The following SLC29A1 variants were observed in gnomAD, a reference collection of about 807,000 sequenced individuals.
SLC29A1 encodes equilibrative nucleoside transporter 1.
In SLC29A1, 22 loss-of-function variants were observed where a neutral mutation model predicts 48.3. The ratio of observed to expected loss-of-function variants is 0.46; its 90% CI spans 0.33 to 0.65. SLC29A1 has a LOEUF of 0.65. Among genes scored for constraint, SLC29A1 ranks in the 30% least tolerant of loss-of-function variants. The pLI is 0.03. For synonymous variants in SLC29A1, 228 were observed against 231.0 expected (o/e 0.99, Z 0.12); for missense variants, 491 against 575.3 (o/e 0.85, Z 1.50).
In SLC29A1 at chr6:44,223,991, C is replaced by G; in HGVS notation, c.-52+350C>G. The G allele has an allele frequency of 2.1e-6, 2 of 969,776 alleles. No homozygotes were observed. Among genetic ancestry groups the G allele is most frequent in the Non-Finnish European group, 2.4e-6 (2 of 816,370 alleles). 60.1% of individuals were successfully genotyped at this position (969,776 alleles called of 1,614,324 possible). On this transcript the variant is annotated intron_variant, in intron 1 of 12. Coordinates refer to ENST00000371755, the MANE Select transcript of SLC29A1 (RefSeq NM_001372327.1). This position sits in a 1 kb window ranked among gnomAD's most constrained non-coding sequence, Gnocchi z 5.0. ...GGGAGGGGCCGTGCCGCTGACTGCG[C>G]TGGCGGAGGGGTATGGGGATGGGGA...
At position 44,233,270 on chromosome 6, in the gene SLC29A1, A is replaced by C. The variant is rs536359096; in HGVS notation, c.1260-147A>C. On this transcript the variant is annotated intron_variant, in intron 12 of 12. Coordinates refer to ENST00000371755, the MANE Select transcript of SLC29A1 (RefSeq NM_001372327.1). ...CACGTTCCCTCAAGGAGGAGAAGCCAGGTTGGGGTTAGGCAGCCAGGATGG... is the reference window on the plus strand; with the variant it reads ...CACGTTCCCTCAAGGAGGAGAAGCCCGGTTGGGGTTAGGCAGCCAGGATGG... The C allele has an allele frequency of 5.2e-6, 4 of 775,488 alleles. No homozygotes were observed. In the Admixed American group the frequency reaches 8.6e-5, roughly 17 times the overall value. 48.0% of individuals were successfully genotyped at this position (775,488 alleles called of 1,614,324 possible).
chr6:44,226,131 C>G, intron 1 of SLC29A1: 1 of 985,276 alleles, frequency 1.0e-6, no homozygotes, highest in Non-Finnish European at 1.2e-6. Context: ...CAGGCTTGCT[C>G]TGCTCTGACC....
At position 44,230,006 on chromosome 6, in the gene SLC29A1, C is replaced by G. The variant is rs1778459829; in HGVS notation, c.414C>G (p.Pro138=). 1 of 1,611,332 alleles carries G rather than the reference C, an allele frequency of 6.2e-7. No individual in the cohort carries two copies. The highest frequency in any genetic ancestry group is 8.5e-7 in the Non-Finnish European group (1 of 1,180,028). The stretch of plus-strand genomic sequence containing the variant: ...TGAAGGTGCAGCTGGATGCTCTGCC[C>G]TTCTTTGTCATCACCATGATCAAGA... ...ILVKVQLDAL[P]FFVITMIKIV... is the part of the protein sequence containing the mutation. The change falls in exon 5 of 13, where the codon CCC becomes CCG. Residue 138 remains proline (P), a synonymous_variant. Coordinates refer to ENST00000371755, the MANE Select transcript of SLC29A1 (RefSeq NM_001372327.1).
rs1779394815 is a variant in SLC29A1 at position 44,233,793 on chromosome 6, T to G, written c.*265T>G. The stretch of plus-strand genomic sequence containing the variant: ...GAGTTTCTCCACTCTTGGCTCTGAC[T>G]GATCCCTGCTTGTGCAGGCCAGTGG... On this transcript the variant is annotated 3_prime_UTR_variant, in exon 13 of 13. Transcript: ENST00000371755. 1 of 506,830 alleles carries G rather than the reference T, an allele frequency of 2.0e-6. No individual in the cohort carries two copies. 31.4% of individuals were successfully genotyped at this position (506,830 alleles called of 1,614,324 possible).
chr6:44,219,695 A>T (rs777372460), upstream of SLC29A1: 119 of 1,288,162 alleles, frequency 9.2e-5, no homozygotes, highest in Non-Finnish European at 1.2e-4. Flanking sequence ...CCCAGCCCCG[A>T]GATGAGGAGG....
intron 1 of SLC29A1, chr6:44,224,002 G>T: frequency 5.3e-6 from 5 of 941,500 alleles, no homozygotes; most frequent in Non-Finnish European, 6.3e-6. Context: ...TGGCGGAGGG[G>T]TATGGGGATG....
intron 1 of SLC29A1, chr6:44,224,033 CGAGCGGAGGTGCAGGCTCG>C: frequency 1.2e-4 from 4 of 34,690 alleles, no homozygotes; most frequent in Non-Finnish European, 1.4e-4. Flanking sequence ...TGGAGGCTCG[CGAGCGGAGGTGCAGGCTCG>C]CGAGCGGAGG....
In SLC29A1 at chr6:44,229,480, G is replaced by GGA; in HGVS notation, c.111+11_111+12dup. The stretch of plus-strand genomic sequence containing the variant: ...TCATGACGGCCACTCAGGTGAGGCT[G>GGA]GAGGGACTGGGCTCCATGGGGCAGT... On this transcript the variant is annotated intron_variant, in intron 3 of 12. Transcript: ENST00000371755. The surrounding 1 kb of genome is among the most constrained non-coding windows in gnomAD (Gnocchi z 5.1). The GGA allele has an allele frequency of 4.3e-6, 7 of 1,613,082 alleles. No individual in the cohort carries two copies. Among genetic ancestry groups the GGA allele is most frequent in the Non-Finnish European group, 5.9e-6 (7 of 1,179,034 alleles).
Position 44,233,594 on chromosome 6 carries a change from G to A in SLC29A1, c.*66G>A. 1 of 1,320,680 alleles carries A rather than the reference G, an allele frequency of 7.6e-7. No individual in the cohort carries two copies. The highest frequency in any genetic ancestry group is 1.1e-6 in the Non-Finnish European group (1 of 914,676). The allele number at this position is 1,320,680 out of a possible 1,614,324, so 81.8% of individuals were successfully genotyped here. A position where few individuals can be genotyped will look rare whatever the true frequency, so the allele number is the denominator to read the frequency against. ...TGCCTCCTGCCCCTTCCTTCTGCCAGGGGTGATCCTGAGTGGTCTGGCGGT... is the reference window on the plus strand; with the variant it reads ...TGCCTCCTGCCCCTTCCTTCTGCCAAGGGTGATCCTGAGTGGTCTGGCGGT... On this transcript the variant is annotated 3_prime_UTR_variant, in exon 13 of 13. Transcript: ENST00000371755.
upstream of SLC29A1, among the ~76,000 whole-genome samples, chr6:44,222,247 C>T (rs972790967): frequency 1.3e-3 from 11 of 8,350 alleles, no homozygotes; most frequent in South Asian, 0.021. Context: ...TTAGGGCTGG[C>T]GGGGATGTGG....
chr6:44,227,544 G>T (rs977446758), intron 2 of SLC29A1, among the ~76,000 whole-genome samples: 2 of 152,238 alleles, frequency 1.3e-5, no homozygotes, highest in African/African-American at 2.4e-5. Flanking sequence ...CAGGGTGCGT[G>T]GGCAGCAGTC....
chr6:44,224,715 TG>T (rs1470813676), intron 1 of SLC29A1, among the ~76,000 whole-genome samples: 1 of 150,764 alleles, frequency 6.6e-6, no homozygotes, highest in East Asian at 1.9e-4. Flanking sequence ...ATCCTGGGAG[TG>T]GAGAATTGCA....
Position 44,230,559 on chromosome 6 carries a change from C to A in SLC29A1, c.590-9C>A. On this transcript the variant is annotated splice_polypyrimidine_tract_variant and intron_variant, in intron 6 of 12. Transcript: ENST00000371755. ...TGGGGCCTGTCTCTGATCACTGACA[C>A]CACCCCAGGTGGCTCGGAGCTATCA... 1 of 1,613,968 alleles carries A rather than the reference C, an allele frequency of 6.2e-7. No homozygotes were observed. The highest frequency in any genetic ancestry group is 8.5e-7 in the Non-Finnish European group (1 of 1,179,854).
Position 44,230,408 on chromosome 6 carries a change from C to T in SLC29A1, c.516C>T (p.Tyr172=). 1 of 1,614,166 alleles carries T rather than the reference C, an allele frequency of 6.2e-7. No individual in the cohort carries two copies. Among genetic ancestry groups the T allele is most frequent in the Non-Finnish European group, 8.5e-7 (1 of 1,180,014 alleles). ...FGLAGLLPAS[Y]TAPIMSGQGL... is the part of the protein sequence containing the mutation. ...TGGCTGGCCTTCTGCCTGCCAGCTA[C>T]ACGGCCCCCATCATGAGTGGCCAGG... Residue 172 remains tyrosine, a synonymous_variant, in exon 6 of 13, where the codon TAC becomes TAT. Coordinates refer to ENST00000371755, the MANE Select transcript of SLC29A1 (RefSeq NM_001372327.1).
At chr6:44,219,648 C>T (rs1386882544), upstream of SLC29A1, 8 of 1,237,010 alleles carry the variant, frequency 6.5e-6, no homozygotes, top group Non-Finnish European at 8.5e-6. Context: ...ACCGGTCAGG[C>T]CCGGCGCGGG....
Position 44,229,418 on chromosome 6 carries a change from A to G in SLC29A1, c.58A>G (p.Met20Val). ...RYKAVWLIFF[M>V]LGLGTLLPWN... ...CAAAGCTGTCTGGCTTATCTTCTTC[A>G]TGCTGGGTCTGGGAACGCTGCTCCC... The change falls in exon 3 of 13, where the codon ATG (methionine) becomes GTG (valine). Residue 20 changes from methionine to valine, a missense_variant. Physicochemically the swap from Met to Val is conservative, Grantham distance 21 (BLOSUM62 1). Coordinates refer to ENST00000371755, the MANE Select transcript of SLC29A1 (RefSeq NM_001372327.1). This position sits in a 1 kb window ranked among gnomAD's most constrained non-coding sequence, Gnocchi z 5.1. 2 of 1,614,004 alleles carry G rather than the reference A, an allele frequency of 1.2e-6. No homozygotes were observed. Among genetic ancestry groups the G allele is most frequent in the Middle Eastern group, 1.6e-4 (1 of 6,062 alleles).
Position 44,230,835 on chromosome 6 carries a change from C to T in SLC29A1, c.712C>T (p.Leu238Phe). The T allele has an allele frequency of 6.2e-7, 1 of 1,614,136 alleles. No individual in the cohort carries two copies. Reference protein sequence around the residue: ...RLEFYRYYQQLKLEGPGEQET... With the variant: ...RLEFYRYYQQFKLEGPGEQET... Reference sequence around the variant, plus strand: ...GGAATTCTACCGCTACTACCAGCAGCTCAAGCTTGAAGGACCCGGGGAGCA... The same window carrying T: ...GGAATTCTACCGCTACTACCAGCAGTTCAAGCTTGAAGGACCCGGGGAGCA... Residue 238 changes from leucine to phenylalanine, a missense_variant, in exon 8 of 13, where the codon CTC (leucine) becomes TTC (phenylalanine). Leu to Phe is a conservative substitution (Grantham distance 22). Coordinates refer to ENST00000371755, the MANE Select transcript of SLC29A1 (RefSeq NM_001372327.1).
In SLC29A1 at chr6:44,227,309, T is replaced by A; in HGVS notation, c.-5T>A. ...CAGCCAGGGAAAACCGAGAACACCATCACCATGACAACCAGTCACCAGCCT... is the reference window on the plus strand; with the variant it reads ...CAGCCAGGGAAAACCGAGAACACCAACACCATGACAACCAGTCACCAGCCT... On this transcript the variant is annotated 5_prime_UTR_variant, in exon 2 of 13. Transcript: ENST00000371755. The A allele has an allele frequency of 1.2e-6, 2 of 1,614,044 alleles. No homozygotes were observed. Among genetic ancestry groups the A allele is most frequent in the Non-Finnish European group, 1.7e-6 (2 of 1,179,988 alleles).
rs759638571 is a variant in SLC29A1, at chr6:44,230,714, C to T, written c.687+49C>T. ...GTTTGGGGTATAGGGGTCTGGGGTT[C>T]CAGACCACGGGTGTTCTGAGGACAA... On this transcript the variant is annotated intron_variant, in intron 7 of 12. Coordinates refer to ENST00000371755, the MANE Select transcript of SLC29A1 (RefSeq NM_001372327.1). 1.0e-5 allele frequency: 16 copies of T among 1,528,408 alleles called. No homozygotes were observed. In the South Asian group the frequency reaches 1.8e-4, roughly 17 times the overall value. 94.7% of individuals were successfully genotyped at this position (1,528,408 alleles called of 1,614,324 possible). A position where few individuals can be genotyped will look rare whatever the true frequency, so the allele number is the denominator to read the frequency against.
Sources: gnomAD v4.1 joint callset for allele counts (sites outside exome capture counted in the v4.1 genomes callset) on GRCh38, gnomAD v4.1.1 for gene constraint, Gnocchi (gnomAD v3.1) non-coding constraint, MANE v1.5 for transcripts, NCBI Gene and HGNC (gene_info 2026-07-23, HGNC 2026-07-21) for gene names.